APBA1: variants seen among roughly 807,000 people sequenced by gnomAD.
APBA1 encodes amyloid beta precursor protein binding family A member 1.
APBA1 carries 55 observed loss-of-function variants against 86.6 expected under a neutral mutation model. The observed-to-expected ratio is 0.64, with a 90% CI of 0.51 to 0.80. APBA1 has a LOEUF of 0.80. Among genes scored for constraint, APBA1 ranks in the 30% least tolerant of loss-of-function variants. APBA1 has a pLI of 0.00. For synonymous variants in APBA1, 511 were observed against 493.9 expected, an observed-to-expected ratio of 1.03 and a Z score of -0.46; for missense variants, 1,090 against 1,183.0, an observed-to-expected ratio of 0.92 and a Z score of 1.15.
chr9:69,488,837 A>G lies in APBA1; in HGVS notation c.1201-12694T>C, dbSNP rs145943077. On this transcript the variant is annotated intron_variant, in intron 2 of 12. Coordinates refer to ENST00000265381, the MANE Select transcript of APBA1 (RefSeq NM_001163.4). ...AAATCACAAGCATTCTTATACACCA[A>G]TAACAAACAGAGAGCCAAATCATGA... Among the ~76,000 whole-genome samples, 147 of 152,300 alleles carry G rather than the reference A, an allele frequency of 9.7e-4. 1 individual carries two copies. The highest frequency in any genetic ancestry group is 2.9e-3 in the African/African-American group (119 of 41,568).
chr9:69,537,397 C>G (rs968323527), intron 1 of APBA1, among the ~76,000 whole-genome samples: 1 of 152,060 alleles, frequency 6.6e-6, no homozygotes, highest in Non-Finnish European at 1.5e-5. Context: ...TCAACCATCA[C>G]AGGTGCACAG....
At chr9:69,606,734 C>T (rs1014427941) in intron 1 of APBA1, among the ~76,000 whole-genome samples, 2 of 151,870 alleles carry the variant, frequency 1.3e-5, no homozygotes, top group South Asian at 2.1e-4. Context: ...CCTCGTGATG[C>T]GCACGCCTCG....
intron 1 of APBA1, among the ~76,000 whole-genome samples, chr9:69,582,675 C>T (rs1311402490): frequency 6.6e-6 from 1 of 152,146 alleles, no homozygotes; most frequent in Non-Finnish European, 1.5e-5. Context: ...CAGGCTGTTC[C>T]CATTTTGGTC....
chr9:69,590,528 G>A (rs1478493677), intron 1 of APBA1, among the ~76,000 whole-genome samples: 1 of 152,182 alleles, frequency 6.6e-6, no homozygotes, highest in Non-Finnish European at 1.5e-5. Flanking sequence ...GTGTGCAGAT[G>A]GGAAAGCAGC....
At chr9:69,644,883 G>A (rs1174537811) in intron 1 of APBA1, among the ~76,000 whole-genome samples, 1 of 152,206 alleles carries the variant, frequency 6.6e-6, no homozygotes, top group African/African-American at 2.4e-5. Context: ...TAGAATGATA[G>A]TGACCTGTGA....
chr9:69,638,163 C>T (rs540547561), intron 1 of APBA1, among the ~76,000 whole-genome samples: 137 of 152,296 alleles, frequency 9.0e-4, no homozygotes, highest in African/African-American at 3.2e-3. Context: ...GATTTTTGTA[C>T]AGGTAACATA....
chr9:69,567,814 T>C (rs1023052312), intron 1 of APBA1, among the ~76,000 whole-genome samples: 1 of 151,818 alleles, frequency 6.6e-6, no homozygotes, highest in Admixed American at 6.6e-5. Context: ...GGGACTCCCC[T>C]CCCCTCAGCA....
chr9:69,629,869 A>G (rs1316197353), intron 1 of APBA1, among the ~76,000 whole-genome samples: 1 of 152,170 alleles, frequency 6.6e-6, no homozygotes, highest in East Asian at 1.9e-4. Context: ...AGTTAAGTCA[A>G]TTCAAACGAA....
At chr9:69,486,987 A>G (rs1415300591) in intron 2 of APBA1, among the ~76,000 whole-genome samples, 1 of 151,820 alleles carries the variant, frequency 6.6e-6, no homozygotes, top group Non-Finnish European at 1.5e-5. Context: ...TGAGAGATTG[A>G]GTTACCACTC....
Position 69,516,075 on chromosome 9 carries a change from CAG to C in APBA1, c.1134_1135del (p.Ile378MetfsTer8). 1.9e-6 allele frequency: 3 copies of C among 1,612,660 alleles called. No individual in the cohort carries two copies. Among genetic ancestry groups the C allele is most frequent in the Non-Finnish European group, 2.5e-6 (3 of 1,179,218 alleles). On this transcript the variant is annotated frameshift_variant, in exon 2 of 13. Transcript: ENST00000265381. LOFTEE classifies it high-confidence loss of function. This position sits in a 1 kb window ranked among gnomAD's most constrained non-coding sequence, Gnocchi z 7.3. ...GGGGCTAATGTCCTGGCGCATGACC[CAG>C]ATGGGCTCTTTGGGCTCGTCGGGGG...
At chr9:69,521,888 AG>A (rs1454415855) in intron 1 of APBA1, among the ~76,000 whole-genome samples, 5 of 152,030 alleles carry the variant, frequency 3.3e-5, no homozygotes, top group Non-Finnish European at 7.4e-5. Context: ...TGAGTTGGGC[AG>A]GGTCTGGTAC....
At chr9:69,453,133 C>A (rs571550305) in intron 8 of APBA1, among the ~76,000 whole-genome samples, 2 of 152,328 alleles carry the variant, frequency 1.3e-5, no homozygotes, top group Admixed American at 6.5e-5. Flanking sequence ...TTTTAGTTTG[C>A]TTTCCACTTA....
At chr9:69,519,504 A>G (rs1836219068) in intron 1 of APBA1, among the ~76,000 whole-genome samples, 1 of 152,256 alleles carries the variant, frequency 6.6e-6, no homozygotes, top group Non-Finnish European at 1.5e-5. Flanking sequence ...AAAAGACAAC[A>G]GATAAACCTT....
chr9:69,465,967 C>T (rs1835271804), intron 5 of APBA1, among the ~76,000 whole-genome samples: 1 of 152,210 alleles, frequency 6.6e-6, no homozygotes, highest in Admixed American at 6.5e-5. Context: ...GTAATCCTGA[C>T]ACTAGGTCTG....
intron 1 of APBA1, among the ~76,000 whole-genome samples, chr9:69,617,544 G>A (rs1018310989): frequency 1.6e-4 from 25 of 151,880 alleles, no homozygotes; most frequent in Admixed American, 1.3e-4. Context: ...TCCACCTTAA[G>A]AGCCAGAAAT....
At position 69,566,369 on chromosome 9, in the gene APBA1, T is replaced by C. The variant is rs116031342; in HGVS notation, c.-69-49090A>G. 4.2e-3 allele frequency among the ~76,000 whole-genome samples: 644 copies of C among 152,252 alleles called. 3 individuals carry two copies. Among genetic ancestry groups the C allele is most frequent in the African/African-American group, 0.015 (608 of 41,532 alleles). ...GGTGCTGTAGGTGTCTATTTGTAGG[T>C]GGGTTTCTACACCTGATTGCAAGTT... On this transcript the variant is annotated intron_variant, in intron 1 of 12. Coordinates refer to ENST00000265381, the MANE Select transcript of APBA1 (RefSeq NM_001163.4).
chr9:69,536,616 C>A (rs1836514654), intron 1 of APBA1, among the ~76,000 whole-genome samples: 1 of 149,838 alleles, frequency 6.7e-6, no homozygotes, highest in African/African-American at 2.5e-5. Flanking sequence ...CCTGTAATCC[C>A]AGCACTTTGG....
At chr9:69,442,263 T>A (rs1243682059) in intron 10 of APBA1, among the ~76,000 whole-genome samples, 2 of 152,162 alleles carry the variant, frequency 1.3e-5, no homozygotes, top group South Asian at 2.1e-4. Flanking sequence ...TGCAGGAGGA[T>A]CATGTTTGCA....
intron 1 of APBA1, among the ~76,000 whole-genome samples, chr9:69,621,203 G>A (rs1822811152): frequency 6.6e-6 from 1 of 152,228 alleles, no homozygotes; most frequent in Non-Finnish European, 1.5e-5. Context: ...GGTGCTGGCT[G>A]CCTGGCCATC....
Sources: allele counts gnomAD v4.1 joint callset (sites outside exome capture counted in the v4.1 genomes callset), GRCh38; gene constraint gnomAD v4.1.1; non-coding constraint Gnocchi (gnomAD v3.1); transcripts MANE v1.5; gene names NCBI Gene and HGNC (gene_info 2026-07-23, HGNC 2026-07-21).